ULK4: variants seen among roughly 807,000 people sequenced by gnomAD.
The protein encoded by ULK4 is unc-51 like kinase 4, also known as inactive serine/threonine-protein kinase ULK4.
ULK4 carries 133 observed loss-of-function variants against 160.6 expected under a neutral mutation model. The observed-to-expected ratio is 0.83, with a 90% CI of 0.72 to 0.96. The LOEUF (loss-of-function observed/expected upper bound fraction) is 0.96, where lower values mean the gene tolerates loss of function less well. Among genes scored for constraint, ULK4 ranks in the 40% least tolerant of loss-of-function variants. The pLI, the probability that ULK4 is intolerant of heterozygous loss-of-function variation, is 0.00. For synonymous variants in ULK4, 534 were observed against 539.8 expected (o/e 0.99, Z 0.15); for missense variants, 1,580 against 1,499.5 (o/e 1.05, Z -0.89).
chr3:41,431,547 CT>C lies in ULK4; in HGVS notation c.3492+23949del, dbSNP rs1553664758. On this transcript the variant is annotated intron_variant, in intron 34 of 36. Transcript: ENST00000301831. ...CCTGTGAGGTGTTGTAATTCCCTCC[CT>C]TTTTTTTTTTTTTTGATGTGGAAAG... Among the ~76,000 whole-genome samples the C allele has an allele frequency of 2.6e-3, 247 of 95,860 alleles. 16 individuals carry two copies. The East Asian group carries it at 0.029, about 11-fold the overall frequency. The allele number at this position is 95,860 out of a possible 152,430, so 62.9% of individuals were successfully genotyped here. A position where few individuals can be genotyped will look rare whatever the true frequency, so the allele number is the denominator to read the frequency against.
rs534870918 is a variant in ULK4, at chr3:41,673,667, A to G, written c.2978+7841T>C. Among the ~76,000 whole-genome samples the G allele has an allele frequency of 2.7e-5, 4 of 150,878 alleles. No homozygotes were observed. In the South Asian group the frequency reaches 8.4e-4, roughly 32 times the overall value. On this transcript the variant is annotated intron_variant, in intron 29 of 36. Coordinates refer to ENST00000301831, the MANE Select transcript of ULK4 (RefSeq NM_017886.4). ...GCATGATCTCTTTTCAATACACTCAAACCTAAATATATATATATATACATA... is the reference window on the plus strand; with the variant it reads ...GCATGATCTCTTTTCAATACACTCAGACCTAAATATATATATATATACATA...
At chr3:41,941,835 G>T (rs1425883931) in intron 2 of ULK4, among the ~76,000 whole-genome samples, 1 of 149,828 alleles carries the variant, frequency 6.7e-6, no homozygotes, top group African/African-American at 2.4e-5. Context: ...ACCACCTGGT[G>T]ACCATGTTTA....
chr3:41,443,612 A>G (rs1559605640), intron 34 of ULK4, among the ~76,000 whole-genome samples: 1 of 152,138 alleles, frequency 6.6e-6, no homozygotes, highest in East Asian at 1.9e-4. Flanking sequence ...ACTTTGGACC[A>G]TGTTGTTAAG....
At chr3:41,648,019 C>T (rs2034584601) in intron 30 of ULK4, among the ~76,000 whole-genome samples, 1 of 152,228 alleles carries the variant, frequency 6.6e-6, no homozygotes, top group African/African-American at 2.4e-5. Flanking sequence ...GATATAATCT[C>T]GTGGTGCGCC....
chr3:41,900,380 A>G (rs1698308972), intron 13 of ULK4, among the ~76,000 whole-genome samples: 1 of 152,164 alleles, frequency 6.6e-6, no homozygotes, highest in Non-Finnish European at 1.5e-5. Flanking sequence ...GATTCACATT[A>G]GTGCATACGG....
chr3:41,886,721 A>G (rs967032482), intron 16 of ULK4, among the ~76,000 whole-genome samples: 3 of 152,016 alleles, frequency 2.0e-5, no homozygotes, highest in African/African-American at 7.2e-5. Context: ...GATTACAGGC[A>G]CGCACCACCA....
intron 29 of ULK4, 71 bp downstream of exon 29, chr3:41,681,437 G>A (rs2035918436): frequency 8.8e-6 from 14 of 1,590,342 alleles, no homozygotes; most frequent in Non-Finnish European, 8.6e-7. Context: ...CCCCATCACT[G>A]AACCTAGTTT....
chr3:41,906,129 A>C (rs928340031), intron 12 of ULK4, among the ~76,000 whole-genome samples: 5 of 146,030 alleles, frequency 3.4e-5, no homozygotes, highest in Admixed American at 7.2e-5. Flanking sequence ...AGGCGGGAGA[A>C]TGGCGTGAAC....
chr3:41,351,397 C>T (rs980587268), intron 35 of ULK4, among the ~76,000 whole-genome samples: 12 of 152,192 alleles, frequency 7.9e-5, no homozygotes, highest in African/African-American at 2.9e-4. Context: ...ATGGACAAAA[C>T]CCACAGGCTG....
intron 34 of ULK4, among the ~76,000 whole-genome samples, chr3:41,412,007 G>A (rs1469534419): frequency 5.3e-5 from 8 of 152,148 alleles, no homozygotes; most frequent in African/African-American, 1.2e-4. Flanking sequence ...TAGTAATACA[G>A]TAACTTTATT....
intron 32 of ULK4, among the ~76,000 whole-genome samples, chr3:41,528,830 GTGT>G: frequency 6.6e-6 from 1 of 152,276 alleles, no homozygotes; most frequent in Admixed American, 6.5e-5. Flanking sequence ...AAACTGCAGT[GTGT>G]TGTTGTCCAA....
At chr3:41,850,638 T>C (rs968659065) in intron 17 of ULK4, among the ~76,000 whole-genome samples, 7 of 128,828 alleles carry the variant, frequency 5.4e-5, no homozygotes, top group Admixed American at 2.6e-4. Flanking sequence ...TAATATCCTT[T>C]GCCCACTTTT....
At chr3:41,681,060 C>A (rs1214631851) in intron 29 of ULK4, among the ~76,000 whole-genome samples, 2 of 152,134 alleles carry the variant, frequency 1.3e-5, no homozygotes, top group African/African-American at 4.8e-5. Flanking sequence ...TCCACCCAAC[C>A]CCTGAGAAAG....
intron 32 of ULK4, among the ~76,000 whole-genome samples, chr3:41,465,198 T>G (rs1246600877): frequency 6.6e-6 from 1 of 152,206 alleles, no homozygotes; most frequent in Non-Finnish European, 1.5e-5. Flanking sequence ...CACTTCAGGG[T>G]CAAAATGCAT....
At chr3:41,704,008 A>G (rs2036777040) in intron 27 of ULK4, among the ~76,000 whole-genome samples, 2 of 152,174 alleles carry the variant, frequency 1.3e-5, no homozygotes, top group Non-Finnish European at 2.9e-5. Flanking sequence ...TTACTTCATA[A>G]TATCTAAGTA....
chr3:41,534,219 G>C (rs933202428), intron 32 of ULK4, among the ~76,000 whole-genome samples: 5 of 152,154 alleles, frequency 3.3e-5, no homozygotes, highest in South Asian at 2.1e-4. Context: ...GAAATGAGTA[G>C]TTTGATTTCT....
chr3:41,409,447 C>A (rs1248996406), intron 34 of ULK4, among the ~76,000 whole-genome samples: 1 of 152,106 alleles, frequency 6.6e-6, no homozygotes, highest in Non-Finnish European at 1.5e-5. Flanking sequence ...AGTAAAAAGA[C>A]AACCCACAAG....
chr3:41,698,512 T>C (rs1479499198), intron 27 of ULK4, among the ~76,000 whole-genome samples: 1 of 151,958 alleles, frequency 6.6e-6, no homozygotes, highest in Non-Finnish European at 1.5e-5. Flanking sequence ...GTTCAACCAA[T>C]AAGGATAATG....
intron 34 of ULK4, among the ~76,000 whole-genome samples, chr3:41,431,978 A>C (rs1040446765): frequency 1.3e-5 from 2 of 151,648 alleles, no homozygotes; most frequent in African/African-American, 4.8e-5. Flanking sequence ...TTTTTAGTAG[A>C]GACGCGGTTT....
Sources: allele counts gnomAD v4.1 joint callset (sites outside exome capture counted in the v4.1 genomes callset), GRCh38; gene constraint gnomAD v4.1.1; transcripts MANE v1.5; gene names NCBI Gene and HGNC (gene_info 2026-07-23, HGNC 2026-07-21).